Variants in EMC3 observed in about 807,000 individuals in gnomAD.
The protein encoded by EMC3 is ER membrane protein complex subunit 3.
Under a neutral mutation model 36.6 loss-of-function variants are expected in EMC3, and 13 were observed. The ratio of observed to expected loss-of-function variants is 0.35; its 90% CI spans 0.23 to 0.56. The LOEUF (loss-of-function observed/expected upper bound fraction) is 0.56, where lower values mean the gene tolerates loss of function less well. EMC3 is among the 20% of genes least tolerant of loss of function. The pLI, the probability that EMC3 is intolerant of heterozygous loss-of-function variation, is 0.84. For missense variants in EMC3, 220 were observed against 324.5 expected, an observed-to-expected ratio of 0.68 and a Z score of 2.47; for synonymous variants, 120 against 111.9, an observed-to-expected ratio of 1.07 and a Z score of -0.46.
chr3:9,965,167 G>A (rs1365095419), intron 7 of EMC3, among the ~76,000 whole-genome samples: 1 of 151,914 alleles, frequency 6.6e-6, no homozygotes, highest in Non-Finnish European at 1.5e-5. Context: ...AGCACTTTGG[G>A]AGGCCAAGGC....
Position 9,986,608 on chromosome 3 carries a change from T to C in EMC3, c.54A>G (p.Leu18=), listed in dbSNP as rs754615470. Residue 18 remains leucine (L), a synonymous_variant, in exon 1 of 8, where the codon CTA becomes CTG. Coordinates refer to ENST00000245046, the MANE Select transcript of EMC3 (RefSeq NM_001394674.1). ...CGAAGAAAGTGATGATAACGATGGGTAGGACCACCCAGAGGCGGATGTTGG... is the reference window on the plus strand; with the variant it reads ...CGAAGAAAGTGATGATAACGATGGGCAGGACCACCCAGAGGCGGATGTTGG... The part of the protein sequence containing the change: ...LDSNIRLWVV[L]PIVIITFFVG... The C allele has an allele frequency of 1.2e-5, 19 of 1,614,134 alleles. No individual in the cohort carries two copies. Among genetic ancestry groups the C allele is most frequent in the Middle Eastern group, 3.3e-4 (2 of 6,062 alleles).
intron 1 of EMC3, among the ~76,000 whole-genome samples, chr3:9,994,994 T>C (rs2086106044): frequency 1.3e-5 from 2 of 149,278 alleles, no homozygotes; most frequent in African/African-American, 5.0e-5. Flanking sequence ...CTATTAGCAA[T>C]GTTAAAACGC....
rs1553603102 is a variant in EMC3, at chr3:9,978,843, A to AC, written c.156-1398_156-1397insG. Reference sequence around the variant, plus strand: ...CATCTCAAAAAAACAACAACAACAAAAAACAAACAAACAAACAAAAAAACT... The same window carrying AC: ...CATCTCAAAAAAACAACAACAACAAACAAACAAACAAACAAACAAAAAAACT... On this transcript the variant is annotated intron_variant, in intron 1 of 7. Coordinates refer to ENST00000245046, the MANE Select transcript of EMC3 (RefSeq NM_001394674.1). Among the ~76,000 whole-genome samples, 40 of 94,140 alleles carry AC rather than the reference A, an allele frequency of 4.2e-4. 1 individual carries two copies. Among genetic ancestry groups the AC allele is most frequent in the Middle Eastern group, 9.4e-3 (2 of 212 alleles). The allele number at this position is 94,140 out of a possible 152,430, so 61.8% of individuals were successfully genotyped here. A position where few individuals can be genotyped will look rare whatever the true frequency, so the allele number is the denominator to read the frequency against.
upstream of EMC3, among the ~76,000 whole-genome samples, chr3:9,990,325 CTTTTT>C (rs4020037): frequency 7.9e-5 from 7 of 88,688 alleles, no homozygotes; most frequent in African/African-American, 2.9e-4. Context: ...GGGCCTTTCT[CTTTTT>C]TTTTTTTTTT....
rs1057060013 is a variant in EMC3, at chr3:9,994,401, G to A, written c.-241-7499C>T. On this transcript the variant is annotated intron_variant, in intron 1 of 8. Transcript: ENST00000470827. ...TCTAATGCTTATTTTTTGTTGGTTG[G>A]AACTTACTGAAGGGAAAGTAGCTCT... 7.0e-6 allele frequency: 4 copies of A among 571,680 alleles called. No homozygotes were observed. The Admixed American group carries it at 7.2e-5, about 10-fold the overall frequency. 35.4% of individuals were successfully genotyped at this position (571,680 alleles called of 1,614,324 possible). A position where few individuals can be genotyped will look rare whatever the true frequency, so the allele number is the denominator to read the frequency against.
intron 1 of EMC3, chr3:10,007,331 C>T (rs545737253): frequency 7.6e-7 from 1 of 1,322,514 alleles, no homozygotes; most frequent in Non-Finnish European, 1.0e-6. Context: ...CAGGTCCCGT[C>T]TGCCTGTGTC....
At chr3:9,967,118 T>G (rs2085742727) in intron 7 of EMC3, among the ~76,000 whole-genome samples, 1 of 152,218 alleles carries the variant, frequency 6.6e-6, no homozygotes. Context: ...AATTTTCCTA[T>G]TCCAAATATT....
rs145586503 is a variant in EMC3 at position 10,003,519 on chromosome 3, C to T, written c.-242+7504G>A. Reference sequence around the variant, plus strand: ...GCAGCAGGGATCAGCCTCCACCACACCTGACCAGGAGCTCCAGAACTGTAA... The same window carrying T: ...GCAGCAGGGATCAGCCTCCACCACATCTGACCAGGAGCTCCAGAACTGTAA... On this transcript the variant is annotated intron_variant, in intron 1 of 8. Coordinates refer to the EMC3 transcript ENST00000470827. 5 of 315,584 alleles carry T rather than the reference C, an allele frequency of 1.6e-5. No individual in the cohort carries two copies. The East Asian group carries it at 3.1e-4, about 20-fold the overall frequency. 19.5% of individuals were successfully genotyped at this position (315,584 alleles called of 1,614,324 possible). A position where few individuals can be genotyped will look rare whatever the true frequency, so the allele number is the denominator to read the frequency against.
rs575245636 is a variant in EMC3, at chr3:9,974,622, G to A, written c.308-134C>T. The A allele has an allele frequency of 7.1e-4, 399 of 560,422 alleles. 1 individual carries two copies. The highest frequency in any genetic ancestry group is 1.1e-3 in the Non-Finnish European group (331 of 312,314). 34.7% of individuals were successfully genotyped at this position (560,422 alleles called of 1,614,324 possible). The stretch of plus-strand genomic sequence containing the variant: ...CGCCCAGGCTGGAGTGCAGTGGTGC[G>A]ATCTCAGCTCACTGCAAGCTCCGCC... On this transcript the variant is annotated intron_variant, in intron 3 of 7. Coordinates refer to ENST00000245046, the MANE Select transcript of EMC3 (RefSeq NM_001394674.1).
chr3:10,003,081 C>G (rs1357751787), intron 1 of EMC3: 1 of 456,550 alleles, frequency 2.2e-6, no homozygotes, highest in Non-Finnish European at 4.4e-6. Flanking sequence ...ACCCCTATAC[C>G]CAGAGCAACA....
At chr3:10,001,551 C>T (rs1303740795) in intron 1 of EMC3, among the ~76,000 whole-genome samples, 3 of 150,424 alleles carry the variant, frequency 2.0e-5, no homozygotes, top group Non-Finnish European at 3.0e-5. Flanking sequence ...GCACTCCAGC[C>T]TGGATGACAG....
chr3:9,980,014 A>T (rs199759253), intron 1 of EMC3, among the ~76,000 whole-genome samples: 4 of 138,126 alleles, frequency 2.9e-5, no homozygotes, highest in African/African-American at 5.4e-5. Context: ...GTCTCACTGT[A>T]TTTTTTTTTT....
chr3:9,991,164 G>A (rs539082411), upstream of EMC3, among the ~76,000 whole-genome samples: 1 of 152,176 alleles, frequency 6.6e-6, no homozygotes, highest in South Asian at 2.1e-4. Context: ...GTCTTGCTGT[G>A]TTTCCCAGGC....
In EMC3 at chr3:9,998,849, G is replaced by A. The variant is rs901880470; in HGVS notation, c.-241-11947C>T. The stretch of plus-strand genomic sequence containing the variant: ...CTGGCTCACTGCAACCTCCACTTCC[G>A]AGGCTCAAGCGATCCTCTCATGTCA... On this transcript the variant is annotated intron_variant, in intron 1 of 8. Coordinates refer to the EMC3 transcript ENST00000470827. Among the ~76,000 whole-genome samples the A allele has an allele frequency of 8.6e-5, 13 of 151,944 alleles. No individual in the cohort carries two copies. In the East Asian group the frequency reaches 9.7e-4, roughly 11 times the overall value.
chr3:9,974,485 G>C lies in EMC3; in HGVS notation c.311C>G (p.Pro104Arg). The C allele has an allele frequency of 6.2e-7, 1 of 1,602,070 alleles. No homozygotes were observed. The highest frequency in any genetic ancestry group is 1.1e-5 in the South Asian group (1 of 90,826). ...TTTCATCATGTCTGTCAACATAGTA[G>C]GATCTAAGACAAAAGCACAAACAAG... ...KVVPPSPMTDPTMLTDMMKGN... is the reference protein window; with the variant it reads ...KVVPPSPMTDRTMLTDMMKGN... The change falls in exon 4 of 8, where the codon CCT (proline) becomes CGT (arginine). Residue 104 changes from proline (P) to arginine (R), a missense_variant. Transcript: ENST00000245046.
intron 1 of EMC3, among the ~76,000 whole-genome samples, chr3:9,982,125 T>G (rs902769829): frequency 1.3e-4 from 19 of 151,988 alleles, no homozygotes; most frequent in Admixed American, 6.6e-4. Flanking sequence ...AATTTTTGTA[T>G]TTTTAGTAGA....
chr3:9,979,500 T>C (rs954897589), intron 1 of EMC3, among the ~76,000 whole-genome samples: 3 of 152,212 alleles, frequency 2.0e-5, no homozygotes, highest in African/African-American at 7.2e-5. Context: ...AGCAAGTCAC[T>C]TAAATTCCCT....
intron 7 of EMC3, among the ~76,000 whole-genome samples, chr3:9,965,416 C>CAATAGATAGATA (rs373411793): frequency 1.4e-5 from 2 of 145,756 alleles, no homozygotes; most frequent in African/African-American, 5.2e-5. Flanking sequence ...GTGAGACCCT[C>CAATAGATAGATA]GATAGATAGA....
chr3:9,967,862 CTT>C (rs2085748189), intron 7 of EMC3, among the ~76,000 whole-genome samples: 1 of 152,156 alleles, frequency 6.6e-6, no homozygotes, highest in Non-Finnish European at 1.5e-5. Context: ...TTATTTAAGT[CTT>C]TAATTTCTTT....
Sources: gnomAD v4.1 joint callset for allele counts (sites outside exome capture counted in the v4.1 genomes callset) on GRCh38, gnomAD v4.1.1 for gene constraint, MANE v1.5 for transcripts, NCBI Gene and HGNC (gene_info 2026-07-23, HGNC 2026-07-21) for gene names.